RIPOR2: variants seen among roughly 807,000 people sequenced by gnomAD.
RIPOR2 encodes rho family-interacting cell polarization regulator 2.
In RIPOR2, 39 loss-of-function variants were observed where a neutral mutation model predicts 114.5. The ratio of observed to expected loss-of-function variants is 0.34; its 90% CI spans 0.26 to 0.44. The LOEUF is 0.44. RIPOR2 is among the 20% of genes least tolerant of loss of function. The pLI is 1.00. For synonymous variants in RIPOR2, 445 were observed against 484.4 expected, an observed-to-expected ratio of 0.92 and a Z score of 1.07; for missense variants, 1,007 against 1,255.1, an observed-to-expected ratio of 0.80 and a Z score of 2.99.
At chr6:24,824,121 C>T (rs764504130) in intron 19 of RIPOR2, among the ~76,000 whole-genome samples, 17 of 152,334 alleles carry the variant, frequency 1.1e-4, no homozygotes, top group Middle Eastern at 3.4e-3. Flanking sequence ...AAGAGTATCA[C>T]AGACCTGCTC....
intron 1 of RIPOR2, among the ~76,000 whole-genome samples, chr6:24,945,220 T>C (rs1419025933): frequency 6.6e-6 from 1 of 151,662 alleles, no homozygotes; most frequent in Non-Finnish European, 1.5e-5. Flanking sequence ...AAGTAAAAAA[T>C]AAAAACAAAA....
At chr6:24,962,500 A>G (rs2114223463) in intron 1 of RIPOR2, among the ~76,000 whole-genome samples, 1 of 152,340 alleles carries the variant, frequency 6.6e-6, no homozygotes, top group South Asian at 2.1e-4. Context: ...TACTATGAGA[A>G]GAATATTCAC....
intron 1 of RIPOR2, chr6:24,976,436 G>C: frequency 1.3e-6 from 2 of 1,562,432 alleles, no homozygotes; most frequent in Non-Finnish European, 1.8e-6. Context: ...ACCCCACCAT[G>C]TTCTTCGACA....
chr6:24,809,930 G>A (rs1781032105), intron 20 of RIPOR2, 123 bp from the exon 21 acceptor site: 5 of 672,528 alleles, frequency 7.4e-6, no homozygotes, highest in South Asian at 6.9e-5. Context: ...GAGTGCAATG[G>A]AGCAATCATA....
Position 24,840,726 on chromosome 6 carries a change from G to A in RIPOR2, c.1858-1454C>T, listed in dbSNP as rs149108227. The A allele has an allele frequency of 1.5e-4, 228 of 1,535,286 alleles. No individual in the cohort carries two copies. In the African/African-American group the frequency reaches 1.8e-3, roughly 12 times the overall value. On this transcript the variant is annotated intron_variant, in intron 13 of 21. Coordinates refer to ENST00000643898, the MANE Select transcript of RIPOR2 (RefSeq NM_001286445.3). Reference sequence around the variant, plus strand: ...GTCTCATTCACCCTCAGTGATCTCCGTCCAAGAGGCAGCACCATTTAGTTT... The same window carrying A: ...GTCTCATTCACCCTCAGTGATCTCCATCCAAGAGGCAGCACCATTTAGTTT...
rs61604920 is a variant in RIPOR2 at position 24,918,096 on chromosome 6, G to A, written c.61+17742C>T. ...GTGGCCGCCCTGTGATGTCCAGGTG[G>A]GTCTAGCCAATGGGGATCCCCAACA... On this transcript the variant is annotated intron_variant, in intron 1 of 21. Transcript: ENST00000643898. Among the ~76,000 whole-genome samples the A allele has an allele frequency of 3.9e-3, 593 of 152,278 alleles. 5 individuals carry two copies. The highest frequency in any genetic ancestry group is 0.014 in the African/African-American group (565 of 41,552).
At chr6:24,989,244 A>T (rs1371203859) in intron 1 of RIPOR2, among the ~76,000 whole-genome samples, 1 of 151,648 alleles carries the variant, frequency 6.6e-6, no homozygotes, top group Non-Finnish European at 1.5e-5. Flanking sequence ...GAAAATTATT[A>T]TATTTGTAAT....
chr6:24,927,268 G>A (rs62636442), intron 1 of RIPOR2, among the ~76,000 whole-genome samples: 212 of 1,076 alleles, frequency 0.2, 46 homozygotes, highest in African/African-American at 0.32. Context: ...CACCACCACA[G>A]CTACAATCAC....
At chr6:24,836,211 CA>C (rs1442918293) in intron 14 of RIPOR2, among the ~76,000 whole-genome samples, 1 of 152,148 alleles carries the variant, frequency 6.6e-6, no homozygotes, top group Non-Finnish European at 1.5e-5. Context: ...GGTGATCTGC[CA>C]AATTTTCTGG....
At chr6:24,953,821 C>T (rs750607618) in intron 1 of RIPOR2, among the ~76,000 whole-genome samples, 1 of 152,192 alleles carries the variant, frequency 6.6e-6, no homozygotes, top group Non-Finnish European at 1.5e-5. Flanking sequence ...ACTGTCTCCT[C>T]GTCATCAAAC....
chr6:25,017,476 T>C (rs4712879), intron 1 of RIPOR2, among the ~76,000 whole-genome samples: 66,466 of 152,086 alleles, frequency 0.44, 16,625 homozygotes, highest in Non-Finnish European at 0.57. Context: ...TTGCTGATGC[T>C]CCCCAGATTT....
At chr6:24,836,908 T>A (rs1298978265) in intron 14 of RIPOR2, among the ~76,000 whole-genome samples, 1 of 152,192 alleles carries the variant, frequency 6.6e-6, no homozygotes, top group East Asian at 1.9e-4. Context: ...ATTAGACATA[T>A]TTAATATCAA....
chr6:24,839,793 C>T (rs1761473079), intron 13 of RIPOR2: 1 of 1,371,606 alleles, frequency 7.3e-7, no homozygotes, highest in East Asian at 2.8e-5. Flanking sequence ...TCTCTAATTC[C>T]AAGTGGCAAT....
At chr6:25,009,744 T>A (rs1237385202) in intron 1 of RIPOR2, among the ~76,000 whole-genome samples, 3 of 152,224 alleles carry the variant, frequency 2.0e-5, no homozygotes, top group East Asian at 3.8e-4. Flanking sequence ...TATTAACAGA[T>A]AATAGAATTC....
At chr6:24,988,131 C>T (rs760381769) in intron 1 of RIPOR2, among the ~76,000 whole-genome samples, 18 of 152,176 alleles carry the variant, frequency 1.2e-4, no homozygotes, top group Non-Finnish European at 1.8e-4. Flanking sequence ...AACTAATTAA[C>T]CCAGGACTAA....
intron 21 of RIPOR2, among the ~76,000 whole-genome samples, chr6:24,807,767 A>G (rs995589378): frequency 2.0e-5 from 3 of 152,116 alleles, no homozygotes; most frequent in Non-Finnish European, 2.9e-5. Flanking sequence ...AAATGTCGAA[A>G]TCATTCCATA....
At chr6:24,994,181 G>A (rs1397156789) in intron 1 of RIPOR2, among the ~76,000 whole-genome samples, 10 of 152,168 alleles carry the variant, frequency 6.6e-5, no homozygotes. Flanking sequence ...ATAGGAATAA[G>A]AGGATATGAG....
At chr6:24,974,774 G>C (rs1404927306) in intron 1 of RIPOR2, among the ~76,000 whole-genome samples, 1 of 152,188 alleles carries the variant, frequency 6.6e-6, no homozygotes. Flanking sequence ...AATAGATAAA[G>C]TGTGGTATAG....
intron 1 of RIPOR2, among the ~76,000 whole-genome samples, chr6:25,020,713 A>G (rs1418237060): frequency 6.6e-6 from 1 of 152,186 alleles, no homozygotes; most frequent in Non-Finnish European, 1.5e-5. Context: ...CAGGTATTCA[A>G]TGTCCAAAAT....
Sources: allele counts gnomAD v4.1 joint callset (sites outside exome capture counted in the v4.1 genomes callset), GRCh38; gene constraint gnomAD v4.1.1; transcripts MANE v1.5; gene names NCBI Gene and HGNC (gene_info 2026-07-23, HGNC 2026-07-21).